GABPB1: variants seen among roughly 807,000 people sequenced by gnomAD.
GABPB1 encodes the protein GA-binding protein subunit beta-1.
A neutral mutation model predicts 45.9 loss-of-function variants in GABPB1; 15 were observed. The ratio of observed to expected loss-of-function variants is 0.33; its 90% confidence interval spans 0.22 to 0.50. The LOEUF (loss-of-function observed/expected upper bound fraction) is 0.50. GABPB1 is among the 20% of genes least tolerant of loss of function. The probability of loss-of-function intolerance (pLI) is 0.98; values close to 1 mark genes in which losing one functional copy is unlikely to be tolerated. For synonymous variants in GABPB1, 143 were observed against 154.4 expected (o/e 0.93, Z 0.55); for missense variants, 252 against 457.5 (o/e 0.55, Z 4.10).
intron 1 of GABPB1, 25 bp downstream of exon 1, chr15:50,354,960 G>C (rs1482711368): frequency 4.7e-6 from 1 of 213,306 alleles, no homozygotes; most frequent in Non-Finnish European, 9.4e-6. Context: ...GGTGGTAACA[G>C]GGCCCTACAC....
chr15:50,288,325 G>A (rs1312400583), intron 7 of GABPB1, among the ~76,000 whole-genome samples: 1 of 152,102 alleles, frequency 6.6e-6, no homozygotes, highest in Non-Finnish European at 1.5e-5. Context: ...CAAAGTGCTG[G>A]GATTATGGGC....
In GABPB1 at chr15:50,313,852, A is replaced by T. The variant is rs1005978600; in HGVS notation, c.1-4054T>A. On this transcript the variant is annotated intron_variant, in intron 1 of 8. Coordinates refer to ENST00000380877, the MANE Select transcript of GABPB1 (RefSeq NM_016654.5). ...GTTACTATATTACCTAATTTAAAAA[A>T]TTTTTTTTCAAAGGGACAAATTACA... 5.9e-5 allele frequency among the ~76,000 whole-genome samples: 9 copies of T among 152,112 alleles called. No individual in the cohort carries two copies. The South Asian group carries it at 8.3e-4, about 14-fold the overall frequency.
intron 1 of GABPB1, among the ~76,000 whole-genome samples, chr15:50,315,578 C>T (rs1161265492): frequency 6.6e-6 from 1 of 152,192 alleles, no homozygotes; most frequent in Non-Finnish European, 1.5e-5. Flanking sequence ...CTCTGATTTT[C>T]TTGTCAAGAT....
chr15:50,295,836 A>G (rs1210299548), intron 6 of GABPB1, among the ~76,000 whole-genome samples: 1 of 150,924 alleles, frequency 6.6e-6, no homozygotes, highest in Middle Eastern at 3.2e-3. Flanking sequence ...TAATTCAATG[A>G]GCTATTTTAA....
intron 1 of GABPB1, 28 bp from the exon 2 acceptor site, chr15:50,309,826 T>C (rs1211199018): frequency 3.0e-6 from 4 of 1,319,330 alleles, no homozygotes; most frequent in Non-Finnish European, 3.3e-6. Flanking sequence ...GAACTGAACA[T>C]CAAAATCTCC....
At chr15:50,319,118 T>C (rs892917578) in intron 1 of GABPB1, among the ~76,000 whole-genome samples, 5 of 152,152 alleles carry the variant, frequency 3.3e-5, no homozygotes, top group Non-Finnish European at 4.4e-5. Flanking sequence ...TAGCACACAT[T>C]TGTTATTTAG....
intron 1 of GABPB1, among the ~76,000 whole-genome samples, chr15:50,333,110 A>G (rs2048000933): frequency 6.6e-6 from 1 of 152,192 alleles, no homozygotes; most frequent in Non-Finnish European, 1.5e-5. Context: ...CAGTTTATTG[A>G]ATTTTCAAGT....
At chr15:50,321,703 G>GGA in intron 1 of GABPB1, among the ~76,000 whole-genome samples, 1 of 123,136 alleles carries the variant, frequency 8.1e-6, no homozygotes, top group South Asian at 2.6e-4. Context: ...CTCCGTCTCA[G>GGA]AAAAAAAAAA....
intron 1 of GABPB1, among the ~76,000 whole-genome samples, chr15:50,319,701 G>C (rs1335442732): frequency 6.6e-6 from 1 of 152,076 alleles, no homozygotes; most frequent in East Asian, 1.9e-4. Flanking sequence ...TCTAGGCATA[G>C]TGGCAGGCGC....
Position 50,347,835 on chromosome 15 carries a change from C to G in GABPB1, c.-1+7150G>C, listed in dbSNP as rs1259566565. On this transcript the variant is annotated intron_variant, in intron 1 of 8. Coordinates refer to ENST00000380877, the MANE Select transcript of GABPB1 (RefSeq NM_016654.5). ...CTTTGGGAGGCCAAGGTGGGCAGAT[C>G]ACTTGAAGTCAGAAGTTGGAGACCA... Among the ~76,000 whole-genome samples the G allele has an allele frequency of 2.0e-5, 3 of 152,078 alleles. 1 individual carries two copies. The highest frequency in any genetic ancestry group is 7.2e-5 in the African/African-American group (3 of 41,406).
chr15:50,343,283 C>T (rs2048448943), intron 1 of GABPB1, among the ~76,000 whole-genome samples: 1 of 152,014 alleles, frequency 6.6e-6, no homozygotes, highest in Admixed American at 6.6e-5. Context: ...CTTCTCAGCT[C>T]ATCTATCAAT....
chr15:50,331,970 G>T (rs1339426303), intron 1 of GABPB1, among the ~76,000 whole-genome samples: 1 of 151,766 alleles, frequency 6.6e-6, no homozygotes, highest in East Asian at 1.9e-4. Flanking sequence ...CACCTCCTGG[G>T]TTCAAGCGAT....
intron 1 of GABPB1, among the ~76,000 whole-genome samples, chr15:50,335,895 C>CAAAAAAAAA (rs775073809): frequency 1.3e-5 from 1 of 79,342 alleles, no homozygotes; most frequent in Non-Finnish European, 2.4e-5. Context: ...GACTCCGACT[C>CAAAAAAAAA]AAAAAAAAAA....
chr15:50,333,766 C>T (rs752597153), intron 1 of GABPB1, among the ~76,000 whole-genome samples: 5 of 152,110 alleles, frequency 3.3e-5, no homozygotes, highest in Non-Finnish European at 7.4e-5. Flanking sequence ...TGGTGGCTCA[C>T]GCCTGTAATG....
rs375018279 is a variant in GABPB1, at chr15:50,281,766, T to C, written c.1000-2982A>G. Among the ~76,000 whole-genome samples, 11 of 152,236 alleles carry C rather than the reference T, an allele frequency of 7.2e-5. No homozygotes were observed. In the East Asian group the frequency reaches 1.4e-3, roughly 19 times the overall value. On this transcript the variant is annotated intron_variant, in intron 8 of 8. Coordinates refer to ENST00000380877, the MANE Select transcript of GABPB1 (RefSeq NM_016654.5). ...AAAATATTTGGTACCTGGCCATTTA[T>C]GAAAAAAAACTTTGCCTTCTCCAGC...
At chr15:50,293,681 T>C in intron 6 of GABPB1, among the ~76,000 whole-genome samples, 1 of 152,230 alleles carries the variant, frequency 6.6e-6, no homozygotes, top group Non-Finnish European at 1.5e-5. Context: ...AGCATAATCA[T>C]ATGTAAGAAA....
chr15:50,290,754 G>A (rs1360806900), intron 6 of GABPB1, among the ~76,000 whole-genome samples: 2 of 152,208 alleles, frequency 1.3e-5, no homozygotes, highest in Non-Finnish European at 2.9e-5. Context: ...GTGGTACTAT[G>A]TGATAGTAAA....
At chr15:50,280,273 CA>C (rs1251734366) in intron 8 of GABPB1, among the ~76,000 whole-genome samples, 17 of 152,270 alleles carry the variant, frequency 1.1e-4, no homozygotes, top group African/African-American at 3.8e-4. Flanking sequence ...AAGATAGGAA[CA>C]AGTCAGAAAA....
chr15:50,332,451 T>C (rs1186599598), intron 1 of GABPB1, among the ~76,000 whole-genome samples: 2 of 152,154 alleles, frequency 1.3e-5, no homozygotes, highest in Admixed American at 6.6e-5. Context: ...AGAAACCAAA[T>C]ATAATTTTTT....
Sources: allele counts gnomAD v4.1 joint callset (sites outside exome capture counted in the v4.1 genomes callset), GRCh38; gene constraint gnomAD v4.1.1; transcripts MANE v1.5; gene names NCBI Gene and HGNC (gene_info 2026-07-23, HGNC 2026-07-21).